AGO3: variants seen among roughly 807,000 people sequenced by gnomAD.
AGO3 encodes protein argonaute-3.
AGO3 carries 16 observed loss-of-function variants against 105.5 expected under a neutral mutation model. The ratio of observed to expected loss-of-function variants is 0.15; its 90% confidence interval spans 0.10 to 0.23. The LOEUF (loss-of-function observed/expected upper bound fraction) is 0.23, where lower values mean the gene tolerates loss of function less well. AGO3 is among the 10% of genes least tolerant of loss of function. AGO3 has a pLI of 1.00. For missense variants in AGO3, 534 were observed against 1,088.0 expected (o/e 0.49, Z 7.16); for synonymous variants, 340 against 367.3 (o/e 0.93, Z 0.85).
chr1:35,979,100 C>G (rs1242138762), intron 5 of AGO3, among the ~76,000 whole-genome samples: 1 of 152,126 alleles, frequency 6.6e-6, no homozygotes, highest in Non-Finnish European at 1.5e-5. Flanking sequence ...CGCGGTGGCT[C>G]ATGCCTGTAA....
intron 16 of AGO3, 39 bp from the exon 17 acceptor site, chr1:36,043,407 CT>C (rs1401427002): frequency 6.5e-7 from 1 of 1,527,346 alleles, no homozygotes; most frequent in East Asian, 2.3e-5. Flanking sequence ...ATATTTTTAC[CT>C]TTTTCTTGTT....
intron 5 of AGO3, among the ~76,000 whole-genome samples, chr1:35,979,530 A>G (rs1283765839): frequency 1.3e-5 from 2 of 152,146 alleles, no homozygotes; most frequent in Non-Finnish European, 2.9e-5. Flanking sequence ...CAGTTTGATT[A>G]TGTTGCTTAT....
intron 5 of AGO3, among the ~76,000 whole-genome samples, chr1:35,977,682 C>T (rs534167312): frequency 1.3e-5 from 2 of 152,202 alleles, no homozygotes; most frequent in South Asian, 2.1e-4. Flanking sequence ...CATGTGCCAC[C>T]GTGCCCAGCT....
At chr1:35,955,088 AG>A (rs1332661402) in intron 2 of AGO3, among the ~76,000 whole-genome samples, 1 of 152,236 alleles carries the variant, frequency 6.6e-6, no homozygotes, top group Non-Finnish European at 1.5e-5. Context: ...TTAGCTAGGG[AG>A]TAGGTTATGA....
At chr1:36,019,982 A>G (rs907058029) in intron 11 of AGO3, among the ~76,000 whole-genome samples, 1 of 152,144 alleles carries the variant, frequency 6.6e-6, no homozygotes, top group Non-Finnish European at 1.5e-5. Context: ...GTGTTGGCCC[A>G]GGTGGTCTAA....
At chr1:35,973,999 A>G (rs1172859151) in intron 5 of AGO3, among the ~76,000 whole-genome samples, 1 of 152,182 alleles carries the variant, frequency 6.6e-6, no homozygotes, top group African/African-American at 2.4e-5. Flanking sequence ...ATAGGTAGCC[A>G]TTACTCAGAT....
chr1:35,977,839 A>G (rs1027270094), intron 5 of AGO3, among the ~76,000 whole-genome samples: 2 of 152,206 alleles, frequency 1.3e-5, no homozygotes, highest in Admixed American at 1.3e-4. Context: ...CAAGCTTTCA[A>G]CAATAAGCAT....
chr1:35,982,807 G>A, intron 5 of AGO3: 1 of 572,950 alleles, frequency 1.7e-6, no homozygotes, highest in Non-Finnish European at 3.2e-6. Flanking sequence ...AAAACTTTGG[G>A]TGTAGTACTG....
chr1:36,018,788 G>C (rs779166416), intron 11 of AGO3, among the ~76,000 whole-genome samples: 1 of 152,082 alleles, frequency 6.6e-6, no homozygotes, highest in African/African-American at 2.4e-5. Flanking sequence ...GTGTACACAA[G>C]AGACCCCTTT....
chr1:35,987,003 A>AAT (rs1414694422), intron 5 of AGO3, among the ~76,000 whole-genome samples: 1 of 149,978 alleles, frequency 6.7e-6, no homozygotes. Context: ...CTCAAAAAAA[A>AAT]AAAAAGGAAA....
Position 35,990,883 on chromosome 1 carries a change from G to A in AGO3, c.659-13458G>A, listed in dbSNP as rs369367510. ...TAGATCAAAGCAGAACTTTTCTTTC[G>A]GGTGGAATGAGAGTTATCAGCTGAT... On this transcript the variant is annotated intron_variant, in intron 5 of 18. Transcript: ENST00000373191. Among the ~76,000 whole-genome samples, 8 of 152,168 alleles carry A rather than the reference G, an allele frequency of 5.3e-5. No individual in the cohort carries two copies. In the East Asian group the frequency reaches 5.8e-4, roughly 11 times the overall value.
chr1:35,966,246 A>C (rs1047690397), intron 2 of AGO3, among the ~76,000 whole-genome samples: 7 of 152,226 alleles, frequency 4.6e-5, no homozygotes, highest in Non-Finnish European at 8.8e-5. Context: ...TTCCCTCTCT[A>C]GAGGTAACCA....
intron 12 of AGO3, among the ~76,000 whole-genome samples, chr1:36,033,487 A>T (rs1032320631): frequency 5.2e-5 from 7 of 135,756 alleles, no homozygotes; most frequent in South Asian, 4.4e-4. Context: ...CTACTTAAAT[A>T]AAAAAAAAAA....
intron 11 of AGO3, among the ~76,000 whole-genome samples, chr1:36,018,755 A>T (rs1332966173): frequency 6.6e-6 from 1 of 152,102 alleles, no homozygotes; most frequent in Admixed American, 6.6e-5. Flanking sequence ...TTTATCCTTC[A>T]CAAATAAAAG....
chr1:35,934,778 G>A (rs1371492047), intron 1 of AGO3, among the ~76,000 whole-genome samples: 1 of 152,022 alleles, frequency 6.6e-6, no homozygotes, highest in Admixed American at 6.5e-5. Context: ...AGCCTCCCGA[G>A]TAGATGGGAT....
At chr1:35,984,423 T>A (rs889345316) in intron 5 of AGO3, 1 of 152,242 alleles carries the variant, frequency 6.6e-6, no homozygotes, top group Non-Finnish European at 1.5e-5. Flanking sequence ...ATCAGTGCTA[T>A]GATTTTTAGT....
At chr1:35,967,943 T>G (rs771904943) in intron 3 of AGO3, among the ~76,000 whole-genome samples, 10 of 152,196 alleles carry the variant, frequency 6.6e-5, no homozygotes, top group Non-Finnish European at 1.0e-4. Context: ...CCCCAGCCTT[T>G]TTTTATCCTT....
At chr1:35,986,696 A>G (rs1464992252) in intron 5 of AGO3, among the ~76,000 whole-genome samples, 1 of 151,800 alleles carries the variant, frequency 6.6e-6, no homozygotes, top group Non-Finnish European at 1.5e-5. Context: ...TCAGAAAAGA[A>G]AAAAGAAAAA....
chr1:36,013,592 G>C, intron 9 of AGO3, 38 bp from the exon 10 acceptor site: 2 of 1,609,930 alleles, frequency 1.2e-6, no homozygotes, highest in Non-Finnish European at 1.7e-6. Context: ...GGATTTGGGG[G>C]AATTTTGAGA....
Sources: gnomAD v4.1 joint callset for allele counts (sites outside exome capture counted in the v4.1 genomes callset) on GRCh38, gnomAD v4.1.1 for gene constraint, MANE v1.5 for transcripts, NCBI Gene and HGNC (gene_info 2026-07-23, HGNC 2026-07-21) for gene names.